PSORS1C1: variants seen among roughly 807,000 people sequenced by gnomAD.
PSORS1C1 encodes psoriasis susceptibility 1 candidate gene 1 protein.
In PSORS1C1, 7 loss-of-function variants were observed where a neutral mutation model predicts 9.4. The observed-to-expected ratio is 0.75, with a 90% CI of 0.42 to 1.40. The LOEUF is 1.40. Ranked by LOEUF, PSORS1C1 falls within the 40% of genes most tolerant of loss-of-function variation. The pLI is 0.01. For missense variants in PSORS1C1, 146 were observed against 178.1 expected (o/e 0.82, Z 1.02); for synonymous variants, 63 against 69.4 (o/e 0.91, Z 0.46).
chr6:31,126,349 T>C (rs1231709435), intron 2 of PSORS1C1, among the ~76,000 whole-genome samples: 1 of 152,180 alleles, frequency 6.6e-6, no homozygotes, highest in East Asian at 1.9e-4. Flanking sequence ...GGCAGGACCG[T>C]GCTGTATACT....
At chr6:31,134,451 G>C (rs540026601) in intron 3 of PSORS1C1, among the ~76,000 whole-genome samples, 15 of 151,168 alleles carry the variant, frequency 9.9e-5, no homozygotes, top group East Asian at 9.8e-4. Flanking sequence ...TACAGGCGCC[G>C]GCCACCATGC....
chr6:31,139,089 G>A lies in PSORS1C1; in HGVS notation c.167+310G>A. 7.0e-7 allele frequency: 1 copy of A among 1,428,154 alleles called. No individual in the cohort carries two copies. Among genetic ancestry groups the A allele is most frequent in the Non-Finnish European group, 9.9e-7 (1 of 1,012,788 alleles). The allele number at this position is 1,428,154 out of a possible 1,614,324, so 88.5% of individuals were successfully genotyped here. A position where few individuals can be genotyped will look rare whatever the true frequency, so the allele number is the denominator to read the frequency against. ...TCTGGGTGCCTGGGAACCCCAAGAG[G>A]CTTTATAGGGGAGGAGTGGAGGAGG... On this transcript the variant is annotated intron_variant, in intron 5 of 5. Coordinates refer to ENST00000259881, the MANE Select transcript of PSORS1C1 (RefSeq NM_014068.3). The surrounding 1 kb of genome is among the most constrained non-coding windows in gnomAD (Gnocchi z 5.2).
intron 1 of PSORS1C1, among the ~76,000 whole-genome samples, chr6:31,122,937 T>C (rs1391935091): frequency 6.6e-6 from 1 of 151,628 alleles, no homozygotes; most frequent in Non-Finnish European, 1.5e-5. Context: ...GACTAGAAGG[T>C]GCTGGGCCGT....
In PSORS1C1 at chr6:31,139,082, C is replaced by A. The variant is rs1773318326; in HGVS notation, c.167+303C>A. The A allele has an allele frequency of 4.0e-6, 6 of 1,511,834 alleles. No individual in the cohort carries two copies. The highest frequency in any genetic ancestry group is 4.6e-6 in the Non-Finnish European group (5 of 1,088,112). The allele number at this position is 1,511,834 out of a possible 1,614,324, so 93.7% of individuals were successfully genotyped here. ...GGCTGAGTCTGGGTGCCTGGGAACC[C>A]CAAGAGGCTTTATAGGGGAGGAGTG... On this transcript the variant is annotated intron_variant, in intron 5 of 5. Transcript: ENST00000259881. This position sits in a 1 kb window ranked among gnomAD's most constrained non-coding sequence, Gnocchi z 5.2.
intron 1 of PSORS1C1, among the ~76,000 whole-genome samples, chr6:31,123,689 TGTCCCCTCTG>T (rs1322840122): frequency 2.0e-5 from 3 of 152,214 alleles, no homozygotes; most frequent in Non-Finnish European, 4.4e-5. Flanking sequence ...GGCAGGTCAC[TGTCCCCTCTG>T]GTCCCCTCCA....
chr6:31,124,753 T>C (rs1433564317), intron 1 of PSORS1C1, among the ~76,000 whole-genome samples: 1 of 152,178 alleles, frequency 6.6e-6, no homozygotes, highest in African/African-American at 2.4e-5. Flanking sequence ...GTGGATCACT[T>C]GAGCTCAGGA....
chr6:31,127,719 C>G (rs974247933), intron 2 of PSORS1C1, among the ~76,000 whole-genome samples: 1 of 151,922 alleles, frequency 6.6e-6, no homozygotes, highest in African/African-American at 2.4e-5. Flanking sequence ...GAGGCTGAGA[C>G]AGGAGAATCA....
rs1772654026 is a variant in PSORS1C1, at chr6:31,125,759, T to C, written c.-145T>C. On this transcript the variant is annotated 5_prime_UTR_variant, in exon 2 of 6. The change abolishes an upstream ATG in the 5' untranslated region. Coordinates refer to ENST00000259881, the MANE Select transcript of PSORS1C1 (RefSeq NM_014068.3). The stretch of plus-strand genomic sequence containing the variant: ...AATAGACTCTGCAGCCAGCCATCTA[T>C]GCAGCGCCCCAGTGGCTTTGAAATG... The C allele has an allele frequency of 6.6e-6, 1 of 152,276 alleles. No individual in the cohort carries two copies. The highest frequency in any genetic ancestry group is 2.4e-5 in the African/African-American group (1 of 41,456). 9.4% of individuals were successfully genotyped at this position (152,276 alleles called of 1,614,324 possible). A position where few individuals can be genotyped will look rare whatever the true frequency, so the allele number is the denominator to read the frequency against.
At chr6:31,129,746 G>A (rs1772826283) in intron 3 of PSORS1C1, 101 bp downstream of exon 3, 1 of 738,104 alleles carries the variant, frequency 1.4e-6, no homozygotes, top group African/African-American at 1.7e-5. Context: ...GAGAAGGAAG[G>A]GATACAAAGA....
chr6:31,138,011 C>T (rs769697134), intron 3 of PSORS1C1: 2 of 1,524,268 alleles, frequency 1.3e-6, no homozygotes, highest in East Asian at 2.3e-5. Context: ...GGTTGTCCAC[C>T]TCAGGGGCAG....
intron 3 of PSORS1C1, among the ~76,000 whole-genome samples, chr6:31,132,842 C>T (rs968243744): frequency 1.5e-4 from 22 of 146,986 alleles, no homozygotes; most frequent in Admixed American, 3.4e-4. Flanking sequence ...GAGTGAGACC[C>T]TGTCTTAAAA....
At chr6:31,117,203 T>A (rs778813031) in intron 1 of PSORS1C1, 1 of 1,613,838 alleles carries the variant, frequency 6.2e-7, no homozygotes, top group African/African-American at 1.3e-5. Context: ...GAGTGAGAGC[T>A]GCTGCTCCCC....
At chr6:31,134,967 C>T (rs572802095) in intron 3 of PSORS1C1, among the ~76,000 whole-genome samples, 3 of 152,186 alleles carry the variant, frequency 2.0e-5, no homozygotes, top group South Asian at 4.1e-4. Context: ...CAGGTGCGGG[C>T]CACCACATCT....
In PSORS1C1 at chr6:31,115,137, T is replaced by A. The variant is rs910063383; in HGVS notation, c.-229+246T>A. 2 of 341,224 alleles carry A rather than the reference T, an allele frequency of 5.9e-6. No homozygotes were observed. The highest frequency in any genetic ancestry group is 1.1e-5 in the Non-Finnish European group (2 of 175,228). 21.1% of individuals were successfully genotyped at this position (341,224 alleles called of 1,614,324 possible). Reference sequence around the variant, plus strand: ...TGTCTTCCTCCTCTGTGGGAGCAGCTGGAAGGTAGAAGAGAAACACAGCCC... The same window carrying A: ...TGTCTTCCTCCTCTGTGGGAGCAGCAGGAAGGTAGAAGAGAAACACAGCCC... On this transcript the variant is annotated intron_variant, in intron 1 of 5. Coordinates refer to ENST00000259881, the MANE Select transcript of PSORS1C1 (RefSeq NM_014068.3). The surrounding 1 kb of genome is among the most constrained non-coding windows in gnomAD (Gnocchi z 4.2).
chr6:31,116,892 G>C, intron 1 of PSORS1C1: 1 of 1,614,076 alleles, frequency 6.2e-7, no homozygotes, highest in Non-Finnish European at 8.5e-7. Context: ...AGTGGGAGCT[G>C]GGGATGTAGG....
chr6:31,134,120 A>G (rs1773035924), intron 3 of PSORS1C1, among the ~76,000 whole-genome samples: 1 of 151,926 alleles, frequency 6.6e-6, no homozygotes, highest in South Asian at 2.1e-4. Context: ...CTGGGATTAC[A>G]GGCGCCCGCC....
At chr6:31,116,558 TGGA>T in intron 1 of PSORS1C1, 1 of 1,613,870 alleles carries the variant, frequency 6.2e-7, no homozygotes, top group South Asian at 1.1e-5. Context: ...ATGGGGTTGC[TGGA>T]GAAGTATTTG....
chr6:31,130,623 G>A (rs13196568), intron 3 of PSORS1C1, among the ~76,000 whole-genome samples: 7 of 151,780 alleles, frequency 4.6e-5, no homozygotes, highest in African/African-American at 9.7e-5. Flanking sequence ...CCGTGGTCTC[G>A]ATCTCCTGAC....
chr6:31,123,927 C>T (rs1292990497), intron 1 of PSORS1C1, among the ~76,000 whole-genome samples: 1 of 152,218 alleles, frequency 6.6e-6, no homozygotes, highest in African/African-American at 2.4e-5. Context: ...GGACTTTCCC[C>T]GGGCCTTGAG....
Sources: gnomAD v4.1 joint callset for allele counts (sites outside exome capture counted in the v4.1 genomes callset) on GRCh38, gnomAD v4.1.1 for gene constraint, Gnocchi (gnomAD v3.1) non-coding constraint, MANE v1.5 for transcripts, NCBI Gene and HGNC (gene_info 2026-07-23, HGNC 2026-07-21) for gene names.